The following CFAP299 variants were observed in gnomAD, a reference collection of about 807,000 sequenced individuals.
CFAP299 encodes the protein cilia and flagella associated protein 299, also known as cilia- and flagella-associated protein 299.
A neutral mutation model predicts 27.0 loss-of-function variants in CFAP299; 21 were observed. The observed-to-expected ratio is 0.78, with a 90% confidence interval of 0.55 to 1.12. CFAP299 has a LOEUF of 1.12. Among genes scored for constraint, CFAP299 ranks in the 50% most tolerant of loss-of-function variants. The pLI is 0.00. For missense variants in CFAP299, 310 were observed against 276.6 expected, an observed-to-expected ratio of 1.12 and a Z score of -0.86; for synonymous variants, 104 against 98.1, an observed-to-expected ratio of 1.06 and a Z score of -0.36.
At chr4:80,681,564 C>T (rs1446763309) in intron 3 of CFAP299, among the ~76,000 whole-genome samples, 1 of 152,084 alleles carries the variant, frequency 6.6e-6, no homozygotes, top group Non-Finnish European at 1.5e-5. Flanking sequence ...ATTAGCTACC[C>T]ACTTCTTTAG....
At chr4:80,558,004 A>G (rs1364977723) in intron 2 of CFAP299, among the ~76,000 whole-genome samples, 1 of 150,306 alleles carries the variant, frequency 6.7e-6, no homozygotes, top group Non-Finnish European at 1.5e-5. Context: ...GGGATCAAAA[A>G]TCACTAGAAA....
chr4:80,514,298 C>T (rs1369527846), intron 2 of CFAP299, among the ~76,000 whole-genome samples: 1 of 151,926 alleles, frequency 6.6e-6, no homozygotes, highest in Non-Finnish European at 1.5e-5. Context: ...CGATATTGCT[C>T]TTTGATCATG....
At chr4:80,594,011 A>G (rs1284400886) in intron 3 of CFAP299, among the ~76,000 whole-genome samples, 2 of 152,122 alleles carry the variant, frequency 1.3e-5, no homozygotes, top group Non-Finnish European at 2.9e-5. Context: ...AAATTTTTCT[A>G]GCTTTTCTGA....
At chr4:80,910,692 G>A (rs530685968) in intron 4 of CFAP299, among the ~76,000 whole-genome samples, 7 of 151,750 alleles carry the variant, frequency 4.6e-5, no homozygotes, top group Non-Finnish European at 8.8e-5. Flanking sequence ...GGTGGAAGCA[G>A]AAAAAAATGA....
At chr4:80,576,187 TA>T (rs760438865) in intron 2 of CFAP299, among the ~76,000 whole-genome samples, 167 of 142,098 alleles carry the variant, frequency 1.2e-3, no homozygotes, top group Middle Eastern at 3.8e-3. Flanking sequence ...AGTATAATAA[TA>T]AAAAAAAAAA....
chr4:80,570,931 G>A (rs1410807096), intron 2 of CFAP299, among the ~76,000 whole-genome samples: 3 of 151,990 alleles, frequency 2.0e-5, no homozygotes, highest in Admixed American at 6.6e-5. Flanking sequence ...AAATACATGT[G>A]GAAATGCTAA....
At chr4:80,862,003 C>T (rs2172460) in intron 3 of CFAP299, among the ~76,000 whole-genome samples, 22,688 of 152,062 alleles carry the variant, frequency 0.15, 2,042 homozygotes, top group Middle Eastern at 0.28. Context: ...CCCTGGACAT[C>T]CTAGAACATT....
chr4:80,562,574 T>G (rs1578602738), intron 2 of CFAP299, among the ~76,000 whole-genome samples: 1 of 150,934 alleles, frequency 6.6e-6, no homozygotes, highest in Admixed American at 6.6e-5. Flanking sequence ...ATGAGAATCA[T>G]TTGAACCTGG....
chr4:80,707,352 T>G (rs1721881489), intron 3 of CFAP299, among the ~76,000 whole-genome samples: 1 of 151,954 alleles, frequency 6.6e-6, no homozygotes, highest in South Asian at 2.1e-4. Context: ...ATATTCAAAT[T>G]TCAGTGTCCA....
chr4:80,455,217 G>A (rs1031492004), intron 2 of CFAP299, among the ~76,000 whole-genome samples: 2 of 152,060 alleles, frequency 1.3e-5, no homozygotes, highest in Non-Finnish European at 2.9e-5. Context: ...TTCAGGAAAG[G>A]GCTCTTATCA....
At chr4:80,489,613 C>T (rs1731012752) in intron 2 of CFAP299, among the ~76,000 whole-genome samples, 1 of 152,146 alleles carries the variant, frequency 6.6e-6, no homozygotes, top group South Asian at 2.1e-4. Flanking sequence ...GACAGCTGAC[C>T]TCCTCATCTC....
chr4:80,440,690 A>G (rs1728317498), intron 2 of CFAP299, among the ~76,000 whole-genome samples: 1 of 152,186 alleles, frequency 6.6e-6, no homozygotes, highest in Admixed American at 6.5e-5. Flanking sequence ...AAGGGAACAA[A>G]ACTGGACAAA....
chr4:80,501,377 A>G (rs920435286), intron 2 of CFAP299, among the ~76,000 whole-genome samples: 1 of 149,326 alleles, frequency 6.7e-6, no homozygotes, highest in African/African-American at 2.4e-5. Context: ...ATATAAATAC[A>G]TGTAATTCTA....
intron 2 of CFAP299, among the ~76,000 whole-genome samples, chr4:80,538,801 C>T (rs540179034): frequency 2.6e-5 from 4 of 152,116 alleles, no homozygotes; most frequent in African/African-American, 4.8e-5. Flanking sequence ...CCTAACTCTG[C>T]GTTTCTCAGA....
intron 3 of CFAP299, among the ~76,000 whole-genome samples, chr4:80,693,548 G>T (rs1278018558): frequency 7.3e-6 from 1 of 137,724 alleles, no homozygotes; most frequent in Non-Finnish European, 1.6e-5. Flanking sequence ...GGACTGTGGT[G>T]GGGTGGGGGA....
chr4:80,674,620 C>A (rs1201838477), intron 3 of CFAP299, among the ~76,000 whole-genome samples: 2 of 152,148 alleles, frequency 1.3e-5, no homozygotes, highest in African/African-American at 4.8e-5. Flanking sequence ...AGAGTGTTTT[C>A]CAAATTGGTT....
At chr4:80,487,708 T>C (rs1730899005) in intron 2 of CFAP299, among the ~76,000 whole-genome samples, 1 of 152,216 alleles carries the variant, frequency 6.6e-6, no homozygotes, top group African/African-American at 2.4e-5. Flanking sequence ...AATTTCTCTG[T>C]TTTGTTCATA....
intron 4 of CFAP299, among the ~76,000 whole-genome samples, chr4:80,918,749 G>A (rs1735889683): frequency 6.6e-6 from 1 of 152,120 alleles, no homozygotes. Flanking sequence ...AGGTTGCACA[G>A]TAGTGGCTCC....
intron 2 of CFAP299, among the ~76,000 whole-genome samples, chr4:80,390,895 ACATATG>A (rs910126294): frequency 3.3e-5 from 2 of 61,428 alleles, no homozygotes; most frequent in Admixed American, 2.7e-4. Flanking sequence ...GTATATACAC[ACATATG>A]CATATATGTA....
Sources: gnomAD v4.1 joint callset for allele counts (sites outside exome capture counted in the v4.1 genomes callset) on GRCh38, gnomAD v4.1.1 for gene constraint, MANE v1.5 for transcripts, NCBI Gene and HGNC (gene_info 2026-07-23, HGNC 2026-07-21) for gene names.